Variants in LRRIQ1 observed in about 807,000 individuals in gnomAD.
LRRIQ1 encodes leucine rich repeats and IQ motif containing 1, also known as leucine-rich repeat- and IQ domain-containing protein 1.
In LRRIQ1, 210 loss-of-function variants were observed where a neutral mutation model predicts 211.9. The observed-to-expected ratio is 0.99, with a 90% CI of 0.89 to 1.11. The LOEUF (loss-of-function observed/expected upper bound fraction) is 1.11, where lower values mean the gene tolerates loss of function less well. Ranked by LOEUF, LRRIQ1 falls within the 50% of genes most tolerant of loss-of-function variation. The pLI is 0.00. For missense variants in LRRIQ1, 2,136 were observed against 1,939.5 expected (o/e 1.10, Z -1.90); for synonymous variants, 699 against 650.1 (o/e 1.08, Z -1.14).
At chr12:85,216,980 A>G (rs1397665547) in intron 24 of LRRIQ1, among the ~76,000 whole-genome samples, 1 of 152,082 alleles carries the variant, frequency 6.6e-6, no homozygotes, top group East Asian at 1.9e-4. Context: ...ACAACTTTAG[A>G]ACCAGGTTTA....
exon 2 of LRRIQ1, chr12:85,263,863 A>G (rs1311782897): frequency 6.6e-6 from 1 of 151,950 alleles, no homozygotes; most frequent in Non-Finnish European, 1.5e-5. Context: ...TTACAGACCC[A>G]TTTTATTAAA....
intron 24 of LRRIQ1, among the ~76,000 whole-genome samples, chr12:85,221,865 A>G (rs1894417148): frequency 6.6e-6 from 1 of 152,224 alleles, no homozygotes; most frequent in Non-Finnish European, 1.5e-5. Context: ...TTAGATTTGT[A>G]CTTTAGCAAG....
At chr12:85,270,696 A>G in the LRRIQ1 span, among the ~76,000 whole-genome samples, 1 of 152,170 alleles carries the variant, frequency 6.6e-6, no homozygotes, top group South Asian at 2.1e-4. Flanking sequence ...CAACAAACAC[A>G]TAGTGCTTAT....
intron 18 of LRRIQ1, among the ~76,000 whole-genome samples, chr12:85,131,677 G>A (rs1009410673): frequency 2.0e-5 from 3 of 152,050 alleles, no homozygotes; most frequent in Non-Finnish European, 2.9e-5. Context: ...AGAATGTAGG[G>A]GTAACATGGT....
chr12:85,141,093 G>A (rs1036530219), intron 19 of LRRIQ1, among the ~76,000 whole-genome samples: 5 of 151,034 alleles, frequency 3.3e-5, no homozygotes, highest in African/African-American at 1.2e-4. Flanking sequence ...CATTTTGTTG[G>A]GAAGTGTTTC....
chr12:85,156,328 A>T (rs1325940314), intron 23 of LRRIQ1, among the ~76,000 whole-genome samples: 1 of 151,796 alleles, frequency 6.6e-6, no homozygotes, highest in African/African-American at 2.4e-5. Context: ...CATTCACAAC[A>T]GATATACAGA....
intron 24 of LRRIQ1, among the ~76,000 whole-genome samples, chr12:85,227,915 A>G (rs1894745854): frequency 1.3e-5 from 2 of 152,222 alleles, no homozygotes; most frequent in Admixed American, 1.3e-4. Flanking sequence ...AAAACAAGAA[A>G]TGGGGAAAAG....
At chr12:85,254,556 A>G (rs1896035879) in intron 1 of LRRIQ1, among the ~76,000 whole-genome samples, 1 of 152,130 alleles carries the variant, frequency 6.6e-6, no homozygotes, top group Admixed American at 6.6e-5. Flanking sequence ...GCTTTTTAAT[A>G]TAGACTGCAA....
downstream of LRRIQ1, among the ~76,000 whole-genome samples, chr12:85,249,497 A>T (rs757345274): frequency 1.4e-4 from 21 of 151,824 alleles, no homozygotes; most frequent in African/African-American, 4.3e-4. Context: ...CTATCATTGC[A>T]TGTATTTAGG....
intron 24 of LRRIQ1, among the ~76,000 whole-genome samples, chr12:85,192,464 A>G (rs1295287433): frequency 2.6e-5 from 3 of 114,062 alleles, no homozygotes; most frequent in Non-Finnish European, 5.2e-5. Context: ...ATATAATATA[A>G]TTATATATAA....
At chr12:85,089,433 G>A (rs76520682) in intron 11 of LRRIQ1, among the ~76,000 whole-genome samples, 3,731 of 152,286 alleles carry the variant, frequency 0.025, 155 homozygotes, top group East Asian at 0.2. Flanking sequence ...GAACTTATTG[G>A]AGCCTGGATA....
chr12:85,221,494 A>G (rs1183102043), intron 24 of LRRIQ1, among the ~76,000 whole-genome samples: 3 of 152,166 alleles, frequency 2.0e-5, no homozygotes, highest in Non-Finnish European at 4.4e-5. Flanking sequence ...GAATGCTATC[A>G]TGGGGTATCT....
intron 23 of LRRIQ1, among the ~76,000 whole-genome samples, chr12:85,157,000 T>C (rs951034728): frequency 1.3e-5 from 2 of 151,912 alleles, no homozygotes; most frequent in Non-Finnish European, 2.9e-5. Flanking sequence ...CACTTCATAT[T>C]TTCTGTTTGT....
chr12:85,074,598 C>G (rs756119749), intron 11 of LRRIQ1, among the ~76,000 whole-genome samples: 1 of 151,768 alleles, frequency 6.6e-6, no homozygotes, highest in Non-Finnish European at 1.5e-5. Flanking sequence ...CCTCCCAGCC[C>G]CTTACTAACT....
chr12:85,250,940 A>AATATATTTTATATATTATATATTATATT (rs1895917773), intron 1 of LRRIQ1, among the ~76,000 whole-genome samples: 1 of 98,748 alleles, frequency 1.0e-5, no homozygotes, highest in African/African-American at 4.9e-5. Context: ...TATTATATAT[A>AATATATTTTATATATTATATATTATATT]ATATATTTTA....
intron 11 of LRRIQ1, among the ~76,000 whole-genome samples, chr12:85,080,751 G>A (rs1228566046): frequency 4.0e-5 from 6 of 150,758 alleles, no homozygotes; most frequent in East Asian, 1.9e-4. Flanking sequence ...TTTATTTAAC[G>A]TGTTCAGCAA....
At position 85,232,689 on chromosome 12, in the gene LRRIQ1, T is replaced by G; in HGVS notation, c.4956-7T>G. ...ATAAAATACTTTCTGTTTTTGTCAC[T>G]ATGCAGCAATCACTTTTTGCCTGAG... On this transcript the variant is annotated splice_region_variant and splice_polypyrimidine_tract_variant and intron_variant, in intron 25 of 26. Coordinates refer to ENST00000393217, the MANE Select transcript of LRRIQ1 (RefSeq NM_001079910.2). 2 of 1,608,556 alleles carry G rather than the reference T, an allele frequency of 1.2e-6. No individual in the cohort carries two copies. The highest frequency in any genetic ancestry group is 1.7e-6 in the Non-Finnish European group (2 of 1,175,788).
intron 15 of LRRIQ1, among the ~76,000 whole-genome samples, chr12:85,113,633 G>A (rs752490621): frequency 6.6e-6 from 1 of 151,822 alleles, no homozygotes; most frequent in Non-Finnish European, 1.5e-5. Flanking sequence ...GCCCCCCTCC[G>A]CCAAGTTTTT....
chr12:85,130,945 C>G (rs995156897), intron 18 of LRRIQ1, among the ~76,000 whole-genome samples: 1 of 151,834 alleles, frequency 6.6e-6, no homozygotes, highest in African/African-American at 2.4e-5. Context: ...CGCAGTGGCT[C>G]ATGCCTGAGA....
Sources: allele counts gnomAD v4.1 joint callset (sites outside exome capture counted in the v4.1 genomes callset), GRCh38; gene constraint gnomAD v4.1.1; transcripts MANE v1.5; gene names NCBI Gene and HGNC (gene_info 2026-07-23, HGNC 2026-07-21).